Variants in AUTS2 observed in about 807,000 individuals in gnomAD.
The protein encoded by AUTS2 is activator of transcription and developmental regulator AUTS2, also known as autism susceptibility gene 2 protein.
In AUTS2, 17 loss-of-function variants were observed where a neutral mutation model predicts 112.4. The ratio of observed to expected loss-of-function variants is 0.15; its 90% CI spans 0.10 to 0.23. The LOEUF is 0.23. Among genes scored for constraint, AUTS2 ranks in the 10% least tolerant of loss-of-function variants. AUTS2 has a pLI of 1.00. For synonymous variants in AUTS2, 751 were observed against 702.7 expected, an observed-to-expected ratio of 1.07 and a Z score of -1.09; for missense variants, 1,510 against 1,701.6, an observed-to-expected ratio of 0.89 and a Z score of 1.98.
chr7:70,383,116 A>T (rs549596288), intron 4 of AUTS2, among the ~76,000 whole-genome samples: 2 of 152,174 alleles, frequency 1.3e-5, no homozygotes, highest in Non-Finnish European at 2.9e-5. Context: ...AAGGTATCTC[A>T]TCATTTGGCT....
chr7:69,955,573 C>T (rs908653202), intron 2 of AUTS2, among the ~76,000 whole-genome samples: 2 of 152,268 alleles, frequency 1.3e-5, no homozygotes, highest in Admixed American at 6.5e-5. Flanking sequence ...TGGCACCGCT[C>T]AGTGGCAGAG....
At chr7:69,919,290 A>G (rs1422777330) in intron 2 of AUTS2, among the ~76,000 whole-genome samples, 3 of 152,208 alleles carry the variant, frequency 2.0e-5, no homozygotes, top group Non-Finnish European at 2.9e-5. Flanking sequence ...TGATATAAGA[A>G]AATCTGTTAA....
At chr7:69,698,799 A>G (rs1797672984) in intron 1 of AUTS2, among the ~76,000 whole-genome samples, 1 of 152,158 alleles carries the variant, frequency 6.6e-6, no homozygotes, top group Non-Finnish European at 1.5e-5. Flanking sequence ...TAAGTTTTGA[A>G]CTTTTAAGTG....
At chr7:70,082,105 G>A (rs1437999090) in intron 2 of AUTS2, among the ~76,000 whole-genome samples, 2 of 152,020 alleles carry the variant, frequency 1.3e-5, no homozygotes, top group South Asian at 2.1e-4. Context: ...TATTATGAAC[G>A]TTATGGTTCC....
At chr7:70,362,605 TTCTC>T (rs1352879705) in intron 4 of AUTS2, among the ~76,000 whole-genome samples, 1 of 151,772 alleles carries the variant, frequency 6.6e-6, no homozygotes, top group Non-Finnish European at 1.5e-5. Flanking sequence ...TAGTTCCTCT[TTCTC>T]TCCCCCGTCC....
At chr7:70,213,099 C>G (rs1196518119) in intron 4 of AUTS2, among the ~76,000 whole-genome samples, 1 of 152,066 alleles carries the variant, frequency 6.6e-6, no homozygotes, top group East Asian at 1.9e-4. Context: ...CTGATTTGAT[C>G]TTCCCACATT....
intron 5 of AUTS2, among the ~76,000 whole-genome samples, chr7:70,477,102 C>T (rs1797611468): frequency 6.6e-6 from 1 of 152,146 alleles, no homozygotes; most frequent in Admixed American, 6.5e-5. Flanking sequence ...TTATTTTGAC[C>T]TCCCAACACC....
intron 5 of AUTS2, among the ~76,000 whole-genome samples, chr7:70,518,614 C>T (rs969484544): frequency 2.0e-5 from 3 of 151,188 alleles, no homozygotes; most frequent in South Asian, 2.1e-4. Context: ...AACCAGGAGC[C>T]GGAGCTTGCA....
chr7:70,581,278 C>T (rs866305931), intron 5 of AUTS2, among the ~76,000 whole-genome samples: 27 of 152,122 alleles, frequency 1.8e-4, no homozygotes, highest in Admixed American at 6.5e-4. Flanking sequence ...CCCAGCTACT[C>T]GGGAGGCTGA....
At chr7:69,856,666 TGTGCA>T (rs1467771059) in intron 1 of AUTS2, among the ~76,000 whole-genome samples, 29 of 152,226 alleles carry the variant, frequency 1.9e-4, no homozygotes, top group Non-Finnish European at 1.0e-4. Flanking sequence ...TTTCCTCAGT[TGTGCA>T]GTGGGTCTCC....
At chr7:70,002,464 A>G (rs1799242470) in intron 2 of AUTS2, among the ~76,000 whole-genome samples, 1 of 152,176 alleles carries the variant, frequency 6.6e-6, no homozygotes, top group South Asian at 2.1e-4. Context: ...GGATGAAGAT[A>G]CAATTTTAAA....
intron 2 of AUTS2, among the ~76,000 whole-genome samples, chr7:70,040,718 A>G (rs1252450445): frequency 6.6e-6 from 1 of 152,088 alleles, no homozygotes; most frequent in East Asian, 1.9e-4. Flanking sequence ...TGTGGACATG[A>G]TTTGCTTTGT....
intron 1 of AUTS2, among the ~76,000 whole-genome samples, chr7:69,644,534 T>C (rs1271650539): frequency 1.3e-5 from 2 of 152,120 alleles, no homozygotes; most frequent in Non-Finnish European, 2.9e-5. Flanking sequence ...TTTTTGTTTG[T>C]TCATCATTCA....
At chr7:70,123,049 A>T (rs950437137) in intron 3 of AUTS2, among the ~76,000 whole-genome samples, 9 of 151,496 alleles carry the variant, frequency 5.9e-5, no homozygotes, top group East Asian at 1.9e-4. Flanking sequence ...CTAATTTTTC[A>T]TATTTTTAGT....
At chr7:70,150,897 A>G (rs1245034623) in intron 4 of AUTS2, among the ~76,000 whole-genome samples, 3 of 152,232 alleles carry the variant, frequency 2.0e-5, no homozygotes, top group Non-Finnish European at 4.4e-5. Flanking sequence ...AACAACCAAA[A>G]CAAAAGATAA....
chr7:70,127,246 GC>G (rs1806025562), intron 3 of AUTS2, among the ~76,000 whole-genome samples: 1 of 151,986 alleles, frequency 6.6e-6, no homozygotes, highest in Non-Finnish European at 1.5e-5. Context: ...CTTTTCTTGT[GC>G]CCCGGCCTCC....
chr7:70,250,096 TC>T (rs1015386027), intron 4 of AUTS2, among the ~76,000 whole-genome samples: 19 of 152,078 alleles, frequency 1.2e-4, no homozygotes, highest in African/African-American at 4.6e-4. Flanking sequence ...AGAACCCCAT[TC>T]CCTTCAAAGC....
rs1797969933 is a variant in AUTS2, at chr7:69,704,527, C to G, written c.309+104565C>G. 3.3e-5 allele frequency among the ~76,000 whole-genome samples: 5 copies of G among 152,276 alleles called. No individual in the cohort carries two copies. The South Asian group carries it at 8.3e-4, about 25-fold the overall frequency. Reference sequence around the variant, plus strand: ...TCTTCTGACCTCGTGATCTGCCCATCTCGGCCTCCCAAAGTACAGGCATGA... The same window carrying G: ...TCTTCTGACCTCGTGATCTGCCCATGTCGGCCTCCCAAAGTACAGGCATGA... On this transcript the variant is annotated intron_variant, in intron 1 of 18. Coordinates refer to ENST00000342771, the MANE Select transcript of AUTS2 (RefSeq NM_015570.4).
chr7:70,116,195 G>A (rs939002096), intron 2 of AUTS2, among the ~76,000 whole-genome samples: 1 of 152,212 alleles, frequency 6.6e-6, no homozygotes. Flanking sequence ...AAGAGCTCAG[G>A]AAGGATACAA....
Sources: gnomAD v4.1 joint callset for allele counts (sites outside exome capture counted in the v4.1 genomes callset) on GRCh38, gnomAD v4.1.1 for gene constraint, MANE v1.5 for transcripts, NCBI Gene and HGNC (gene_info 2026-07-23, HGNC 2026-07-21) for gene names.